PLEKHA5: variants seen among roughly 807,000 people sequenced by gnomAD.
The protein encoded by PLEKHA5 is pleckstrin homology domain-containing family A member 5.
Under a neutral mutation model 181.9 loss-of-function variants are expected in PLEKHA5, and 55 were observed. The ratio of observed to expected loss-of-function variants is 0.30; its 90% CI spans 0.24 to 0.38. The LOEUF is 0.38. Ranked by LOEUF, PLEKHA5 falls within the 10% of genes least tolerant of loss-of-function variation. The probability of loss-of-function intolerance (pLI) is 1.00; values close to 1 mark genes in which losing one functional copy is unlikely to be tolerated. For missense variants in PLEKHA5, 1,432 were observed against 1,549.5 expected, an observed-to-expected ratio of 0.92 and a Z score of 1.27; for synonymous variants, 535 against 529.4, an observed-to-expected ratio of 1.01 and a Z score of -0.15.
chr12:19,234,971 CTG>C (rs1410341519), intron 3 of PLEKHA5, among the ~76,000 whole-genome samples: 1 of 152,036 alleles, frequency 6.6e-6, no homozygotes, highest in African/African-American at 2.4e-5. Context: ...GCTTTTAGAA[CTG>C]TGGAAAAGTT....
At chr12:19,177,206 A>C (rs2047514404) in intron 3 of PLEKHA5, among the ~76,000 whole-genome samples, 1 of 152,154 alleles carries the variant, frequency 6.6e-6, no homozygotes, top group Admixed American at 6.5e-5. Context: ...AACACCTAAA[A>C]TGTCTCTTAT....
chr12:19,343,669 C>CAGTT (rs1205142455), intron 22 of PLEKHA5, among the ~76,000 whole-genome samples: 4 of 152,138 alleles, frequency 2.6e-5, no homozygotes, highest in Non-Finnish European at 4.4e-5. Context: ...ATACTGTAGA[C>CAGTT]AGTTGTAACA....
intron 3 of PLEKHA5, among the ~76,000 whole-genome samples, chr12:19,220,135 A>G (rs2058707233): frequency 7.0e-6 from 1 of 142,374 alleles, no homozygotes; most frequent in Non-Finnish European, 1.5e-5. Context: ...CCCACCCCCA[A>G]AAAAAGAAAA....
intron 8 of PLEKHA5, among the ~76,000 whole-genome samples, chr12:19,268,162 ATAAT>A (rs1252430394): frequency 1.3e-5 from 2 of 152,210 alleles, no homozygotes; most frequent in Non-Finnish European, 2.9e-5. Context: ...CCAGAGAAAC[ATAAT>A]TAAGTATTTT....
At chr12:19,157,503 T>C (rs1344565576) in intron 3 of PLEKHA5, among the ~76,000 whole-genome samples, 1 of 152,188 alleles carries the variant, frequency 6.6e-6, no homozygotes, top group Non-Finnish European at 1.5e-5. Context: ...AGAAAAGTTA[T>C]TTAAATCCGA....
intron 26 of PLEKHA5, among the ~76,000 whole-genome samples, chr12:19,356,800 A>G (rs561322879): frequency 2.0e-5 from 3 of 149,900 alleles, no homozygotes; most frequent in South Asian, 2.1e-4. Context: ...AGCTGGGCCT[A>G]CAGGCGCCCG....
intron 20 of PLEKHA5, among the ~76,000 whole-genome samples, chr12:19,322,918 C>G (rs1362796769): frequency 6.6e-6 from 1 of 151,502 alleles, no homozygotes; most frequent in African/African-American, 2.4e-5. Flanking sequence ...AGTATTTTGA[C>G]TATAACTCAC....
At chr12:19,337,696 T>A (rs755099533) in intron 21 of PLEKHA5, among the ~76,000 whole-genome samples, 1 of 152,140 alleles carries the variant, frequency 6.6e-6, no homozygotes, top group Non-Finnish European at 1.5e-5. Context: ...TGGAAATGCA[T>A]GGACTTAACA....
intron 3 of PLEKHA5, chr12:19,153,977 G>A (rs2041082690): frequency 6.6e-6 from 1 of 152,116 alleles, no homozygotes; most frequent in Non-Finnish European, 1.5e-5. Flanking sequence ...GTTTTCAAAT[G>A]TTGCAGTGAC....
At chr12:19,360,189 G>T (rs1309339013) in intron 28 of PLEKHA5, among the ~76,000 whole-genome samples, 1 of 151,858 alleles carries the variant, frequency 6.6e-6, no homozygotes, top group Non-Finnish European at 1.5e-5. Flanking sequence ...AATTAGCCAG[G>T]TGTGGTGGCA....
At chr12:19,367,061 A>G (rs747919519) in intron 30 of PLEKHA5, among the ~76,000 whole-genome samples, 1 of 151,096 alleles carries the variant, frequency 6.6e-6, no homozygotes, top group African/African-American at 2.4e-5. Flanking sequence ...AATTTTTTGT[A>G]TTTGTAGTAC....
At chr12:19,262,045 C>T (rs570710179) in intron 7 of PLEKHA5, among the ~76,000 whole-genome samples, 1 of 152,230 alleles carries the variant, frequency 6.6e-6, no homozygotes, top group South Asian at 2.1e-4. Context: ...AAATGCTAAG[C>T]TTACTCTACA....
chr12:19,337,091 G>T (rs1320022640), intron 21 of PLEKHA5, among the ~76,000 whole-genome samples: 1 of 147,916 alleles, frequency 6.8e-6, no homozygotes, highest in African/African-American at 2.5e-5. Context: ...GGGTTCAAGC[G>T]ATTCTCCTGC....
At chr12:19,217,291 G>A (rs544948388) in intron 3 of PLEKHA5, among the ~76,000 whole-genome samples, 7 of 152,254 alleles carry the variant, frequency 4.6e-5, no homozygotes, top group East Asian at 3.9e-4. Flanking sequence ...AGAATTACAC[G>A]TGTGGAATGC....
At chr12:19,144,382 G>C (rs2038310623) in intron 3 of PLEKHA5, among the ~76,000 whole-genome samples, 1 of 152,186 alleles carries the variant, frequency 6.6e-6, no homozygotes, top group African/African-American at 2.4e-5. Context: ...TCTCCTCGTG[G>C]CCTCTCATCA....
In PLEKHA5 at chr12:19,328,558, A is replaced by AGTGTGT. The variant is rs56041821; in HGVS notation, c.2448+5926_2448+5931dup. Among the ~76,000 whole-genome samples, 313 of 141,792 alleles carry AGTGTGT rather than the reference A, an allele frequency of 2.2e-3. 2 individuals are homozygous for AGTGTGT. Among genetic ancestry groups the AGTGTGT allele is most frequent in the East Asian group, 0.012 (59 of 4,752 alleles). 93.0% of individuals were successfully genotyped at this position (141,792 alleles called of 152,430 possible). A position where few individuals can be genotyped will look rare whatever the true frequency, so the allele number is the denominator to read the frequency against. On this transcript the variant is annotated intron_variant, in intron 20 of 31. Transcript: ENST00000429027. ...CTCCTTGGTTAGATGCTTTCCTAGGAGTGTGTGTGTGTGTGTGTGTGTGTG... is the reference window on the plus strand; with the variant it reads ...CTCCTTGGTTAGATGCTTTCCTAGGAGTGTGTGTGTGTGTGTGTGTGTGTGTGTGTG...
At chr12:19,156,801 T>C (rs1054837815) in intron 3 of PLEKHA5, among the ~76,000 whole-genome samples, 2 of 151,538 alleles carry the variant, frequency 1.3e-5, no homozygotes, top group Admixed American at 1.3e-4. Flanking sequence ...TCCCTGCACT[T>C]TGGGAGGCCA....
chr12:19,240,496 A>T (rs2062333753), intron 3 of PLEKHA5, among the ~76,000 whole-genome samples: 2 of 149,306 alleles, frequency 1.3e-5, no homozygotes, highest in African/African-American at 2.5e-5. Context: ...GCTGGAGCAT[A>T]ATGGCACCAT....
rs2067174676 is a variant in PLEKHA5, at chr12:19,257,477, A to G, written c.477A>G (p.Ser159=). The stretch of plus-strand genomic sequence containing the variant: ...AAGTTCATAATTTTGGAAAGAGGTC[A>G]AATTCAATTAAAAGGAATCCTAATG... ...SKKVHNFGKR[S]NSIKRNPNAP... The change falls in exon 6 of 32, where the codon TCA becomes TCG. Residue 159 remains serine, a synonymous_variant. Transcript: ENST00000429027. 1 of 1,609,556 alleles carries G rather than the reference A, an allele frequency of 6.2e-7. No individual in the cohort carries two copies. The highest frequency in any genetic ancestry group is 1.3e-5 in the African/African-American group (1 of 74,786).
Sources: gnomAD v4.1 joint callset for allele counts (sites outside exome capture counted in the v4.1 genomes callset) on GRCh38, gnomAD v4.1.1 for gene constraint, MANE v1.5 for transcripts, NCBI Gene and HGNC (gene_info 2026-07-23, HGNC 2026-07-21) for gene names.